The following EPM2A variants were observed in gnomAD, a reference collection of about 807,000 sequenced individuals.
The protein encoded by EPM2A is EPM2A glucan phosphatase, laforin, also known as laforin.
A neutral mutation model predicts 26.5 loss-of-function variants in EPM2A; 21 were observed. The observed-to-expected ratio is 0.79, with a 90% confidence interval of 0.56 to 1.14. The LOEUF (loss-of-function observed/expected upper bound fraction) is 1.14. Among genes scored for constraint, EPM2A ranks in the 50% most tolerant of loss-of-function variants. The pLI, the probability that EPM2A is intolerant of heterozygous loss-of-function variation, is 0.00. For synonymous variants in EPM2A, 217 were observed against 177.6 expected, an observed-to-expected ratio of 1.22 and a Z score of -1.76; for missense variants, 458 against 440.8, an observed-to-expected ratio of 1.04 and a Z score of -0.35.
At chr6:145,473,522 C>T (rs1779503581) in intron 4 of EPM2A, among the ~76,000 whole-genome samples, 1 of 151,918 alleles carries the variant, frequency 6.6e-6, no homozygotes, top group Admixed American at 6.6e-5. Context: ...CAGAGAACTT[C>T]CCAAACTGAG....
chr6:145,432,232 A>G (rs1170873761), intron 4 of EPM2A, among the ~76,000 whole-genome samples: 1 of 152,238 alleles, frequency 6.6e-6, no homozygotes, highest in East Asian at 1.9e-4. Flanking sequence ...CCAATGAATC[A>G]GAAATGTTCT....
At chr6:145,512,663 A>G (rs1780070624) in intron 2 of EPM2A, among the ~76,000 whole-genome samples, 1 of 142,858 alleles carries the variant, frequency 7.0e-6, no homozygotes, top group Admixed American at 7.3e-5. Context: ...GTGAGCCGAG[A>G]TCGCACCACT....
At chr6:145,683,395 T>C (rs1314433376) in intron 2 of EPM2A, among the ~76,000 whole-genome samples, 1 of 149,502 alleles carries the variant, frequency 6.7e-6, no homozygotes, top group Non-Finnish European at 1.5e-5. Flanking sequence ...TATTATATAG[T>C]ATACATACAT....
intron 2 of EPM2A, among the ~76,000 whole-genome samples, chr6:145,548,183 A>G (rs1780610133): frequency 6.6e-6 from 1 of 152,106 alleles, no homozygotes; most frequent in Admixed American, 6.6e-5. Context: ...GACTTTGGCA[A>G]GACTCCTCAA....
intron 4 of EPM2A, among the ~76,000 whole-genome samples, chr6:145,431,881 CTG>C (rs1562332077): frequency 6.6e-6 from 1 of 152,160 alleles, no homozygotes; most frequent in African/African-American, 2.4e-5. Flanking sequence ...CTTTCCAACG[CTG>C]TCTTTGCCTA....
intron 4 of EPM2A, among the ~76,000 whole-genome samples, chr6:145,421,464 T>A (rs1349651262): frequency 6.6e-6 from 1 of 152,116 alleles, no homozygotes; most frequent in Non-Finnish European, 1.5e-5. Flanking sequence ...TATACCTTTG[T>A]AAAGGTGAAA....
chr6:145,455,313 C>CTATT (rs35725297), intron 4 of EPM2A, among the ~76,000 whole-genome samples: 120,217 of 151,662 alleles, frequency 0.79, 47,844 homozygotes, highest in East Asian at 0.9. Context: ...AAAAAAACAA[C>CTATT]TACTTATATG....
At chr6:145,595,038 T>C (rs1781323871) in intron 2 of EPM2A, among the ~76,000 whole-genome samples, 1 of 151,942 alleles carries the variant, frequency 6.6e-6, no homozygotes, top group Non-Finnish European at 1.5e-5. Flanking sequence ...CCTTAGGCCA[T>C]ACTTTTTAAA....
chr6:145,728,075 C>A (rs929478560), intron 1 of EPM2A, among the ~76,000 whole-genome samples: 3 of 152,152 alleles, frequency 2.0e-5, no homozygotes, highest in Non-Finnish European at 2.9e-5. Context: ...TGCCTTCTGC[C>A]ATGTTTGTAA....
At chr6:145,455,445 C>T (rs1317102530) in intron 4 of EPM2A, among the ~76,000 whole-genome samples, 1 of 152,130 alleles carries the variant, frequency 6.6e-6, no homozygotes, top group Non-Finnish European at 1.5e-5. Context: ...GCAATCTCCG[C>T]CTCCTGGGTT....
intron 2 of EPM2A, among the ~76,000 whole-genome samples, chr6:145,655,913 G>C (rs1778246375): frequency 6.6e-6 from 1 of 152,162 alleles, no homozygotes; most frequent in African/African-American, 2.4e-5. Flanking sequence ...TTAGTGTTTG[G>C]AAAGTATTTT....
At chr6:145,524,173 C>A (rs1582823128) in intron 2 of EPM2A, among the ~76,000 whole-genome samples, 1 of 152,062 alleles carries the variant, frequency 6.6e-6, no homozygotes, top group African/African-American at 2.4e-5. Flanking sequence ...ACTATATTTT[C>A]TTTATTCAAT....
At chr6:145,697,748 T>C (rs1781690498) in intron 1 of EPM2A, among the ~76,000 whole-genome samples, 1 of 152,184 alleles carries the variant, frequency 6.6e-6, no homozygotes, top group Non-Finnish European at 1.5e-5. Flanking sequence ...TCCGCCCAGC[T>C]CACTGGCGGT....
At chr6:145,507,823 C>T (rs1779998177) in intron 2 of EPM2A, among the ~76,000 whole-genome samples, 1 of 152,150 alleles carries the variant, frequency 6.6e-6, no homozygotes, top group Non-Finnish European at 1.5e-5. Context: ...GTTGTTGAAG[C>T]TGAGGATTCT....
intron 4 of EPM2A, among the ~76,000 whole-genome samples, chr6:145,478,339 A>G (rs896909236): frequency 6.6e-5 from 10 of 152,134 alleles, no homozygotes; most frequent in African/African-American, 2.4e-4. Context: ...TATTGTTAAA[A>G]TGTCCATGCT....
At chr6:145,476,800 C>T (rs1779548925) in intron 4 of EPM2A, among the ~76,000 whole-genome samples, 1 of 151,788 alleles carries the variant, frequency 6.6e-6, no homozygotes, top group African/African-American at 2.4e-5. Flanking sequence ...ACAGCCAAAG[C>T]AGTACTAACA....
intron 2 of EPM2A, among the ~76,000 whole-genome samples, chr6:145,609,889 G>A (rs1775353822): frequency 6.6e-6 from 1 of 152,270 alleles, no homozygotes; most frequent in Non-Finnish European, 1.5e-5. Flanking sequence ...GAATTTATAT[G>A]ATGAAATCTT....
rs367728491 is a variant in EPM2A, at chr6:145,549,178, A to G, written c.341-46603T>C. ...CCAAAGCCCCAAAAAGTGATAAAAT[A>G]TATGTGTTGTGAGCCACAGACACTA... On this transcript the variant is annotated intron_variant, in intron 2 of 3. Coordinates refer to the EPM2A transcript ENST00000450221. 3.3e-5 allele frequency among the ~76,000 whole-genome samples: 5 copies of G among 152,130 alleles called. No individual in the cohort carries two copies. The East Asian group carries it at 7.7e-4, about 24-fold the overall frequency.
At chr6:145,413,087 G>A (rs1778664759) in intron 4 of EPM2A, among the ~76,000 whole-genome samples, 1 of 152,258 alleles carries the variant, frequency 6.6e-6, no homozygotes, top group East Asian at 1.9e-4. Flanking sequence ...AATAGTGACT[G>A]TGAAAAAAGA....
Sources: allele counts gnomAD v4.1 joint callset (sites outside exome capture counted in the v4.1 genomes callset), GRCh38; gene constraint gnomAD v4.1.1; transcripts MANE v1.5; gene names NCBI Gene and HGNC (gene_info 2026-07-23, HGNC 2026-07-21).